Variants in SHPK observed in about 807,000 individuals in gnomAD.
The protein encoded by SHPK is sedoheptulokinase.
In SHPK, 51 loss-of-function variants were observed where a neutral mutation model predicts 46.3. The observed-to-expected ratio is 1.10, with a 90% CI of 0.88 to 1.39. The LOEUF is 1.39. Among genes scored for constraint, SHPK ranks in the 40% most tolerant of loss-of-function variants. SHPK has a pLI of 0.00. For synonymous variants in SHPK, 290 were observed against 273.9 expected (o/e 1.06, Z -0.58); for missense variants, 668 against 641.3 (o/e 1.04, Z -0.45).
chr17:3,626,935 C>T (rs2150873388), intron 2 of SHPK, among the ~76,000 whole-genome samples: 1 of 152,126 alleles, frequency 6.6e-6, no homozygotes, highest in East Asian at 1.9e-4. Context: ...GTTTTCCACT[C>T]CCTTTGCCAA....
chr17:3,636,067 C>G lies in SHPK; in HGVS notation c.153G>C (p.Ala51=), dbSNP rs1253249601. ...TCCAACTCACCTGGGGCCCGGCCAC[C>G]GCGCTCTCGACCGCCGCCTCTGCCC... ...AARAEAAVES[A]VAGPQGREQD... The change falls in exon 1 of 7, where the codon GCG becomes GCC. Residue 51 remains alanine (A), a synonymous_variant. Coordinates refer to ENST00000225519, the MANE Select transcript of SHPK (RefSeq NM_013276.4). 6 of 1,574,436 alleles carry G rather than the reference C, an allele frequency of 3.8e-6. No individual in the cohort carries two copies. Among genetic ancestry groups the G allele is most frequent in the African/African-American group, 1.4e-5 (1 of 73,722 alleles).
At chr17:3,635,082 G>GA (rs2075501567) in intron 1 of SHPK, among the ~76,000 whole-genome samples, 1 of 151,712 alleles carries the variant, frequency 6.6e-6, no homozygotes, top group Non-Finnish European at 1.5e-5. Context: ...TGAAGCAGGA[G>GA]AATCACTTGA....
chr17:3,625,409 C>T (rs1433417768), intron 2 of SHPK, among the ~76,000 whole-genome samples: 2 of 152,230 alleles, frequency 1.3e-5, no homozygotes, highest in African/African-American at 2.4e-5. Context: ...AAGCCTCTTA[C>T]ACCAGTCTCT....
Position 3,610,797 on chromosome 17 carries a change from C to T in SHPK, c.1200G>A (p.Arg400=). 3 of 1,614,154 alleles carry T rather than the reference C, an allele frequency of 1.9e-6. No individual in the cohort carries two copies. The highest frequency in any genetic ancestry group is 2.5e-6 in the Non-Finnish European group (3 of 1,180,024). Residue 400 remains arginine (R), a synonymous_variant, in exon 7 of 7, where the codon CGG becomes CGA. Transcript: ENST00000225519. ...SSDLSLGHVT[R]ALCRGIVQNL... ...TCTGAACAATGCCTCGGCACAGAGC[C>T]CGGGTCACGTGCCCCAGGGAGAGGT...
chr17:3,621,853 A>G (rs529661202), intron 4 of SHPK, among the ~76,000 whole-genome samples: 1 of 151,502 alleles, frequency 6.6e-6, no homozygotes, highest in African/African-American at 2.4e-5. Context: ...GGGTTTCGCC[A>G]TCTTGGCCAG....
chr17:3,630,311 G>A lies in SHPK; in HGVS notation c.204C>T (p.Ala68=), dbSNP rs773653045. The change falls in exon 2 of 7, where the codon GCC becomes GCT. Residue 68 remains alanine, a synonymous_variant. Transcript: ENST00000225519. ...GAAGGGCAGCAAGGCACTCGTGTAG[G>A]GCTTGGAGGATTCTACTCACATCCT... The part of the protein sequence containing the change: ...REQDVSRILQ[A]LHECLAALPR... 42 of 1,613,230 alleles carry A rather than the reference G, an allele frequency of 2.6e-5. No homozygotes were observed. Among genetic ancestry groups the A allele is most frequent in the Non-Finnish European group, 3.4e-5 (40 of 1,179,920 alleles).
Position 3,625,394 on chromosome 17 carries a change from C to T in SHPK, c.311-1163G>A, listed in dbSNP as rs143759407. Among the ~76,000 whole-genome samples, 27 of 152,332 alleles carry T rather than the reference C, an allele frequency of 1.8e-4. No homozygotes were observed. The East Asian group carries it at 4.6e-3, about 26-fold the overall frequency. On this transcript the variant is annotated intron_variant, in intron 2 of 6. Transcript: ENST00000225519. ...AGGTCATAAGAAGTACTGCAGCTCC[C>T]GCCCAAGCCTCTTACACCAGTCTCT...
In SHPK at chr17:3,610,883, C is replaced by T; in HGVS notation, c.1114G>A (p.Val372Met). The T allele has an allele frequency of 6.2e-7, 1 of 1,614,004 alleles. No homozygotes were observed. ...TCCGGCAGGTGCCTCTCCCCCAGCA[C>T]TGTCGGGGTGATGGTCAGGTGGGTA... ...RDTHLTITPT[V>M]LGERHLPDQL... The change falls in exon 7 of 7, where the codon GTG (valine) becomes ATG (methionine). Residue 372 changes from valine to methionine, a missense_variant. Coordinates refer to ENST00000225519, the MANE Select transcript of SHPK (RefSeq NM_013276.4).
chr17:3,628,653 T>C (rs955318127), intron 2 of SHPK, among the ~76,000 whole-genome samples: 2 of 151,946 alleles, frequency 1.3e-5, no homozygotes, highest in African/African-American at 4.8e-5. Flanking sequence ...GATTTGTTGT[T>C]GTCGTTGCTT....
At chr17:3,621,981 A>C (rs224509) in intron 4 of SHPK, among the ~76,000 whole-genome samples, 95,022 of 150,146 alleles carry the variant, frequency 0.63, 30,330 homozygotes, top group East Asian at 0.93. Context: ...GACAGGGTCT[A>C]GCTCTGTTAC....
At chr17:3,624,362 T>C (rs2075420660) in intron 2 of SHPK, 131 bp from the exon 3 acceptor site, 2 of 820,360 alleles carry the variant, frequency 2.4e-6, no homozygotes, top group Non-Finnish European at 3.8e-6. Context: ...GGCACACCTA[T>C]GGGTCCTGAT....
At chr17:3,611,033 G>A in intron 6 of SHPK, 61 bp from the exon 7 acceptor site, 1 of 1,469,964 alleles carries the variant, frequency 6.8e-7, no homozygotes. Context: ...AGGCTGACAT[G>A]GCAGAGAATT....
At chr17:3,633,762 T>A (rs1021670283) in intron 1 of SHPK, among the ~76,000 whole-genome samples, 4 of 151,900 alleles carry the variant, frequency 2.6e-5, no homozygotes, top group Non-Finnish European at 4.4e-5. Context: ...CCCGTCTGGG[T>A]AGTGTACCCA....
intron 6 of SHPK, among the ~76,000 whole-genome samples, chr17:3,612,830 C>G (rs2075348249): frequency 6.6e-6 from 1 of 151,142 alleles, no homozygotes. Flanking sequence ...CGGCTCACTG[C>G]AACCTCTGCC....
Position 3,621,270 on chromosome 17 carries a change from C to A in SHPK, c.790G>T (p.Val264Phe), listed in dbSNP as rs771404322. The change falls in exon 5 of 7, where the codon GTC becomes TTC. Residue 264 changes from valine to phenylalanine, a missense_variant. Val to Phe is a conservative substitution (Grantham distance 50). Transcript: ENST00000225519. ...GTCCTCTGGGCCATGCAGGAATAGACAGAGGCCTGTAAATCACCCAAGGCC... is the reference window on the plus strand; with the variant it reads ...GTCCTCTGGGCCATGCAGGAATAGAAAGAGGCCTGTAAATCACCCAAGGCC... ...GVALGDLQAS[V>F]YSCMAQRTDA... 1 of 1,613,794 alleles carries A rather than the reference C, an allele frequency of 6.2e-7. No homozygotes were observed. Among genetic ancestry groups the A allele is most frequent in the Non-Finnish European group, 8.5e-7 (1 of 1,179,924 alleles).
intron 2 of SHPK, 42 bp from the exon 3 acceptor site, chr17:3,624,273 T>C (rs368206572): frequency 4.9e-5 from 76 of 1,564,226 alleles, no homozygotes; most frequent in Non-Finnish European, 5.4e-5. Flanking sequence ...AAAGAGCAAA[T>C]GACTAGGCAT....
intron 1 of SHPK, among the ~76,000 whole-genome samples, chr17:3,631,636 C>A (rs920352045): frequency 1.4e-5 from 2 of 146,486 alleles, no homozygotes; most frequent in Non-Finnish European, 1.5e-5. Context: ...GATTCTCCTG[C>A]CTTAGCCTCC....
intron 6 of SHPK, among the ~76,000 whole-genome samples, chr17:3,612,484 A>T (rs550269358): frequency 5.3e-5 from 8 of 151,440 alleles, no homozygotes; most frequent in Non-Finnish European, 8.8e-5. Context: ...ATCACTTTTG[A>T]TCTATAACCT....
rs1248778428 is a variant in SHPK, at chr17:3,608,326, G to A, written c.*2234C>T. 1 of 151,794 alleles carries A rather than the reference G, an allele frequency of 6.6e-6. No individual in the cohort carries two copies. The highest frequency in any genetic ancestry group is 1.9e-4 in the East Asian group (1 of 5,180). 9.4% of individuals were successfully genotyped at this position (151,794 alleles called of 1,614,324 possible). On this transcript the variant is annotated 3_prime_UTR_variant, in exon 7 of 7. Coordinates refer to ENST00000225519, the MANE Select transcript of SHPK (RefSeq NM_013276.4). ...CTTCCCATCTTTTCACTTAAAGGAA[G>A]CACCTTACGGTTTCTCTTTGGCATA... is the stretch of plus-strand genomic sequence containing the variant.
Sources: gnomAD v4.1 joint callset for allele counts (sites outside exome capture counted in the v4.1 genomes callset) on GRCh38, gnomAD v4.1.1 for gene constraint, MANE v1.5 for transcripts, NCBI Gene and HGNC (gene_info 2026-07-23, HGNC 2026-07-21) for gene names.